DLG2: variants seen among roughly 807,000 people sequenced by gnomAD.
DLG2 encodes the protein disks large homolog 2.
DLG2 carries 45 observed loss-of-function variants against 132.5 expected under a neutral mutation model. That is an observed-to-expected ratio of 0.34 (90% CI 0.27 to 0.44). The LOEUF is 0.44. Among genes scored for constraint, DLG2 ranks in the 20% least tolerant of loss-of-function variants. DLG2 has a pLI of 1.00. For synonymous variants in DLG2, 424 were observed against 419.6 expected (o/e 1.01, Z -0.13); for missense variants, 1,045 against 1,196.9 (o/e 0.87, Z 1.87).
intron 3 of DLG2, among the ~76,000 whole-genome samples, chr11:85,523,207 C>T (rs138051173): frequency 5.7e-4 from 87 of 152,274 alleles, no homozygotes; most frequent in Middle Eastern, 3.4e-3. Context: ...TTTCCCACTT[C>T]ACTCTGTACT....
chr11:85,436,110 G>T (rs182768110), intron 3 of DLG2, among the ~76,000 whole-genome samples: 1 of 152,150 alleles, frequency 6.6e-6, no homozygotes, highest in Admixed American at 6.5e-5. Context: ...TTAGCCATAC[G>T]CAGGGCACTG....
chr11:85,202,349 T>C (rs1210861211), intron 4 of DLG2, among the ~76,000 whole-genome samples: 2 of 152,104 alleles, frequency 1.3e-5, no homozygotes, highest in African/African-American at 2.4e-5. Flanking sequence ...GATTCAAATA[T>C]ATAAAATAGC....
chr11:83,889,515 T>C (rs1335251534), intron 15 of DLG2, among the ~76,000 whole-genome samples: 1 of 152,156 alleles, frequency 6.6e-6, no homozygotes, highest in Non-Finnish European at 1.5e-5. Context: ...GGTGGGACTG[T>C]AAACTAGTTC....
intron 18 of DLG2, among the ~76,000 whole-genome samples, chr11:83,726,917 C>T (rs2153694233): frequency 6.6e-6 from 1 of 152,280 alleles, no homozygotes; most frequent in Non-Finnish European, 1.5e-5. Context: ...CCACAAATGC[C>T]TGTTGCATCT....
intron 11 of DLG2, among the ~76,000 whole-genome samples, chr11:84,040,704 G>T (rs1249465300): frequency 6.6e-6 from 1 of 150,476 alleles, no homozygotes; most frequent in African/African-American, 2.4e-5. Flanking sequence ...GGTGATGCGG[G>T]CTCTTTTTTG....
chr11:84,537,200 G>A (rs1368847530), intron 6 of DLG2, among the ~76,000 whole-genome samples: 3 of 151,966 alleles, frequency 2.0e-5, no homozygotes, highest in Non-Finnish European at 2.9e-5. Flanking sequence ...TCTGCTTCCC[G>A]AGTTCGAGCA....
At chr11:84,355,182 T>C (rs1424734867) in intron 7 of DLG2, among the ~76,000 whole-genome samples, 2 of 152,002 alleles carry the variant, frequency 1.3e-5, no homozygotes, top group Non-Finnish European at 2.9e-5. Context: ...TTGCTACTTG[T>C]GCTAGGATTT....
At chr11:85,489,467 T>C (rs948234889) in intron 3 of DLG2, among the ~76,000 whole-genome samples, 1 of 152,082 alleles carries the variant, frequency 6.6e-6, no homozygotes, top group Non-Finnish European at 1.5e-5. Context: ...TAGTGGGGAC[T>C]TCAACACCCC....
At chr11:85,027,173 C>CTTTT (rs10571202) in intron 6 of DLG2, among the ~76,000 whole-genome samples, 13 of 69,334 alleles carry the variant, frequency 1.9e-4, no homozygotes, top group East Asian at 5.4e-4. Context: ...AGTGTGGTCT[C>CTTTT]TTTTTTTTTT....
At chr11:84,276,702 C>T (rs577088815) in intron 7 of DLG2, among the ~76,000 whole-genome samples, 213 of 152,248 alleles carry the variant, frequency 1.4e-3, no homozygotes, top group South Asian at 1.9e-3. Context: ...AAATATGTCA[C>T]GATGCTCTAA....
intron 3 of DLG2, among the ~76,000 whole-genome samples, chr11:85,458,991 A>G (rs2092513498): frequency 2.0e-5 from 3 of 152,146 alleles, no homozygotes; most frequent in Non-Finnish European, 2.9e-5. Flanking sequence ...AATCAGTGCA[A>G]TTGGCCCTGG....
At chr11:83,729,268 A>G (rs1211919025) in intron 18 of DLG2, among the ~76,000 whole-genome samples, 5 of 152,238 alleles carry the variant, frequency 3.3e-5, no homozygotes, top group African/African-American at 4.8e-5. Flanking sequence ...GGTGGGGTGG[A>G]CATCTTTCAT....
At chr11:83,859,705 T>C (rs961949758) in intron 16 of DLG2, among the ~76,000 whole-genome samples, 5 of 152,200 alleles carry the variant, frequency 3.3e-5, no homozygotes, top group Admixed American at 3.3e-4. Context: ...GCATAAGTAA[T>C]GAGGAGCTGA....
At chr11:84,558,476 C>CT (rs575592967) in intron 6 of DLG2, among the ~76,000 whole-genome samples, 1 of 152,056 alleles carries the variant, frequency 6.6e-6, no homozygotes, top group Non-Finnish European at 1.5e-5. Context: ...AAGCAGAAAC[C>CT]TTTTTTTCTT....
At chr11:84,454,632 TAA>T (rs1372545422) in intron 7 of DLG2, among the ~76,000 whole-genome samples, 1 of 151,536 alleles carries the variant, frequency 6.6e-6, no homozygotes, top group Admixed American at 6.6e-5. Context: ...ATTGTATTTA[TAA>T]AATGAAATAC....
chr11:84,685,364 C>A (rs910561498), intron 6 of DLG2, among the ~76,000 whole-genome samples: 1 of 152,276 alleles, frequency 6.6e-6, no homozygotes, highest in African/African-American at 2.4e-5. Context: ...TAATAAGAAC[C>A]ACAGTCAGTC....
intron 19 of DLG2, among the ~76,000 whole-genome samples, chr11:83,559,144 G>A (rs2096569585): frequency 6.6e-6 from 1 of 152,046 alleles, no homozygotes; most frequent in African/African-American, 2.4e-5. Flanking sequence ...GAAAATAAAA[G>A]CATTAGAGGT....
chr11:83,513,456 T>A (rs1011558189), intron 21 of DLG2, among the ~76,000 whole-genome samples: 3 of 152,130 alleles, frequency 2.0e-5, no homozygotes, highest in African/African-American at 4.8e-5. Flanking sequence ...AGATTGCAAA[T>A]ATTTTCTCCC....
intron 3 of DLG2, among the ~76,000 whole-genome samples, chr11:85,460,234 G>A (rs1447521660): frequency 1.3e-5 from 2 of 152,196 alleles, no homozygotes; most frequent in Non-Finnish European, 2.9e-5. Context: ...CTCTCCTACT[G>A]CTGGAGCTCC....
Sources: allele counts gnomAD v4.1 joint callset (sites outside exome capture counted in the v4.1 genomes callset), GRCh38; gene constraint gnomAD v4.1.1; transcripts MANE v1.5; gene names NCBI Gene and HGNC (gene_info 2026-07-23, HGNC 2026-07-21).